Variants in STX8 observed in about 807,000 individuals in gnomAD.
STX8 encodes the protein syntaxin-8.
STX8 carries 23 observed loss-of-function variants against 37.5 expected under a neutral mutation model. That is an observed-to-expected ratio of 0.61 (90% CI 0.44 to 0.87). The LOEUF is 0.87. Ranked by LOEUF, STX8 falls within the 40% of genes least tolerant of loss-of-function variation. The pLI, the probability that STX8 is intolerant of heterozygous loss-of-function variation, is 0.00. For missense variants in STX8, 313 were observed against 284.7 expected (o/e 1.10, Z -0.71); for synonymous variants, 115 against 99.1 (o/e 1.16, Z -0.95).
At chr17:9,364,780 C>T (rs929862504) in intron 7 of STX8, among the ~76,000 whole-genome samples, 7 of 152,044 alleles carry the variant, frequency 4.6e-5, no homozygotes, top group Admixed American at 3.9e-4. Flanking sequence ...GTGATCCACC[C>T]GCCTCGGCCT....
Position 9,451,772 on chromosome 17 carries a change from C to T in STX8, c.541+40057G>A, listed in dbSNP as rs553457897. 3.0e-4 allele frequency among the ~76,000 whole-genome samples: 44 copies of T among 148,226 alleles called. No individual in the cohort carries two copies. In the South Asian group the frequency reaches 9.2e-3, roughly 31 times the overall value. ...CAATTTAAATATATTCATATATACA[C>T]AAAAATATACATATATACAGAGAGA... On this transcript the variant is annotated intron_variant, in intron 6 of 7. Transcript: ENST00000306357.
chr17:9,545,451 A>T (rs1051673282), intron 3 of STX8, among the ~76,000 whole-genome samples, 169 bp from the exon 4 acceptor site: 2 of 152,130 alleles, frequency 1.3e-5, no homozygotes, highest in African/African-American at 4.8e-5. Context: ...CTTCACCTTC[A>T]CCAGGCCGTC....
chr17:9,549,118 C>G (rs12948851), intron 3 of STX8, among the ~76,000 whole-genome samples: 1 of 152,016 alleles, frequency 6.6e-6, no homozygotes, highest in Admixed American at 6.6e-5. Context: ...TAACACTTAA[C>G]TATAAAGAAT....
chr17:9,285,456 T>G (rs1908040242), intron 7 of STX8, among the ~76,000 whole-genome samples: 1 of 150,860 alleles, frequency 6.6e-6, no homozygotes, highest in Non-Finnish European at 1.5e-5. Context: ...GACATCTCCG[T>G]CTACCTGAGG....
At chr17:9,342,191 G>A (rs991892267) in intron 7 of STX8, among the ~76,000 whole-genome samples, 2 of 152,260 alleles carry the variant, frequency 1.3e-5, no homozygotes, top group African/African-American at 4.8e-5. Flanking sequence ...ATCTAATGCT[G>A]CCACTGATCT....
At chr17:9,501,227 C>T (rs1047382054) in intron 5 of STX8, among the ~76,000 whole-genome samples, 3 of 152,060 alleles carry the variant, frequency 2.0e-5, no homozygotes, top group African/African-American at 7.2e-5. Context: ...CTAGAATTCA[C>T]ATGGAAATGC....
At chr17:9,292,422 T>C (rs1908345722) in intron 7 of STX8, among the ~76,000 whole-genome samples, 1 of 152,230 alleles carries the variant, frequency 6.6e-6, no homozygotes, top group Non-Finnish European at 1.5e-5. Context: ...CAGAGATTTA[T>C]GGTGCTTTTC....
At chr17:9,412,281 A>ATAT (rs1913005956) in intron 6 of STX8, among the ~76,000 whole-genome samples, 1 of 144,294 alleles carries the variant, frequency 6.9e-6, no homozygotes, top group Admixed American at 7.0e-5. Context: ...CACAGCAGCA[A>ATAT]TTTTTTTTTT....
intron 4 of STX8, among the ~76,000 whole-genome samples, chr17:9,524,225 C>T (rs911160687): frequency 3.3e-5 from 5 of 152,182 alleles, no homozygotes; most frequent in Non-Finnish European, 4.4e-5. Flanking sequence ...TACCCACTTG[C>T]GGTATCAATT....
rs550744640 is a variant in STX8 at position 9,305,244 on chromosome 17, C to T, written c.644-54599G>A. Among the ~76,000 whole-genome samples, 16 of 152,154 alleles carry T rather than the reference C, an allele frequency of 1.1e-4. No homozygotes were observed. In the South Asian group the frequency reaches 2.7e-3, roughly 26 times the overall value. On this transcript the variant is annotated intron_variant, in intron 7 of 7. Coordinates refer to ENST00000306357, the MANE Select transcript of STX8 (RefSeq NM_004853.3). Reference sequence around the variant, plus strand: ...AGTAGCTGGGATTACAGGCATGCTCCACCACGCCTGGCTAATTTTTGTATT... The same window carrying T: ...AGTAGCTGGGATTACAGGCATGCTCTACCACGCCTGGCTAATTTTTGTATT...
chr17:9,258,378 G>C (rs139878925), intron 7 of STX8, among the ~76,000 whole-genome samples: 1 of 152,236 alleles, frequency 6.6e-6, no homozygotes, highest in Non-Finnish European at 1.5e-5. Flanking sequence ...GAAGGTGAGC[G>C]TATTTACATT....
chr17:9,473,805 T>C (rs1024184808), intron 6 of STX8, among the ~76,000 whole-genome samples: 17 of 152,372 alleles, frequency 1.1e-4, no homozygotes, highest in African/African-American at 3.8e-4. Context: ...TCCTGAGTGC[T>C]AGACGTGTCT....
At chr17:9,295,789 A>G (rs1445164538) in intron 7 of STX8, among the ~76,000 whole-genome samples, 1 of 123,554 alleles carries the variant, frequency 8.1e-6, no homozygotes, top group Admixed American at 8.1e-5. Context: ...TCATGCCTGT[A>G]ATCCCAGCAC....
chr17:9,442,436 C>A (rs1567562656), intron 6 of STX8, among the ~76,000 whole-genome samples: 1 of 152,172 alleles, frequency 6.6e-6, no homozygotes, highest in African/African-American at 2.4e-5. Context: ...CTCACTCTGT[C>A]ACCCAGGCTG....
chr17:9,569,296 T>A (rs1206504854), intron 1 of STX8, among the ~76,000 whole-genome samples: 2 of 151,930 alleles, frequency 1.3e-5, no homozygotes. Context: ...GTATGTCAGG[T>A]GTTGATAGGT....
At chr17:9,547,794 TTTGTTTTG>T (rs1275371812) in intron 3 of STX8, among the ~76,000 whole-genome samples, 3,213 of 138,684 alleles carry the variant, frequency 0.023, 110 homozygotes, top group African/African-American at 0.087. Flanking sequence ...TTTTTTTTTT[TTTGTTTTG>T]TTTTGTTAAG....
chr17:9,480,242 C>T (rs1906268037), intron 6 of STX8, among the ~76,000 whole-genome samples: 1 of 152,146 alleles, frequency 6.6e-6, no homozygotes, highest in Non-Finnish European at 1.5e-5. Context: ...GATTCTGGCA[C>T]AGTGCTTAGC....
intron 7 of STX8, among the ~76,000 whole-genome samples, chr17:9,290,404 TAGAGAC>T (rs1908274366): frequency 6.6e-6 from 1 of 152,152 alleles, no homozygotes; most frequent in Non-Finnish European, 1.5e-5. Flanking sequence ...TATTGGGTGT[TAGAGAC>T]AGAAGAGAAC....
At chr17:9,417,888 G>A (rs145641805) in intron 6 of STX8, among the ~76,000 whole-genome samples, 1 of 152,134 alleles carries the variant, frequency 6.6e-6, no homozygotes, top group Admixed American at 6.5e-5. Flanking sequence ...CACTCCACGG[G>A]GACAGGAGCT....
Sources: gnomAD v4.1 joint callset for allele counts (sites outside exome capture counted in the v4.1 genomes callset) on GRCh38, gnomAD v4.1.1 for gene constraint, MANE v1.5 for transcripts, NCBI Gene and HGNC (gene_info 2026-07-23, HGNC 2026-07-21) for gene names.